PPP1R12A: variants seen among roughly 807,000 people sequenced by gnomAD.
The protein encoded by PPP1R12A is myosin binding subunit.
In PPP1R12A, 19 loss-of-function variants were observed where a neutral mutation model predicts 139.6. The ratio of observed to expected loss-of-function variants is 0.14; its 90% CI spans 0.09 to 0.20. The LOEUF (loss-of-function observed/expected upper bound fraction) is 0.20. Among genes scored for constraint, PPP1R12A ranks in the 10% least tolerant of loss-of-function variants. PPP1R12A has a pLI of 1.00. For missense variants in PPP1R12A, 925 were observed against 1,211.5 expected (o/e 0.76, Z 3.51); for synonymous variants, 427 against 420.6 (o/e 1.02, Z -0.19).
chr12:79,808,038 AAAAAATAAAAAT>A (rs1165825036), intron 11 of PPP1R12A, among the ~76,000 whole-genome samples: 1 of 151,776 alleles, frequency 6.6e-6, no homozygotes, highest in Non-Finnish European at 1.5e-5. Flanking sequence ...TCTGTCTCAA[AAAAAATAAAAAT>A]AAAAATAAAA....
intron 3 of PPP1R12A, among the ~76,000 whole-genome samples, chr12:79,835,583 A>C (rs1393608057): frequency 6.6e-6 from 1 of 152,094 alleles, no homozygotes; most frequent in Non-Finnish European, 1.5e-5. Context: ...ACCAGCCCTT[A>C]ACTCATTCCG....
intron 2 of PPP1R12A, among the ~76,000 whole-genome samples, chr12:79,863,172 TAAAG>T (rs1008287982): frequency 4.6e-5 from 7 of 152,108 alleles, no homozygotes; most frequent in Admixed American, 4.6e-4. Context: ...TCAACATTCT[TAAAG>T]AAAAGAATTT....
chr12:79,867,250 A>T (rs974979148), intron 2 of PPP1R12A, among the ~76,000 whole-genome samples: 1 of 152,148 alleles, frequency 6.6e-6, no homozygotes, highest in Non-Finnish European at 1.5e-5. Context: ...GTTCTCACTC[A>T]TAAGTGGGAA....
intron 19 of PPP1R12A, among the ~76,000 whole-genome samples, chr12:79,793,524 T>C (rs1565741571): frequency 6.6e-6 from 1 of 152,298 alleles, no homozygotes; most frequent in Non-Finnish European, 1.5e-5. Context: ...GTACTATTTC[T>C]TTTTTTGCTT....
intron 2 of PPP1R12A, among the ~76,000 whole-genome samples, chr12:79,868,479 A>G (rs1009807090): frequency 1.3e-5 from 2 of 151,452 alleles, no homozygotes; most frequent in African/African-American, 4.9e-5. Context: ...AACAATAGAA[A>G]TATTATTTTC....
chr12:79,855,185 T>C (rs1880499293), intron 2 of PPP1R12A, among the ~76,000 whole-genome samples: 1 of 151,990 alleles, frequency 6.6e-6, no homozygotes, highest in Non-Finnish European at 1.5e-5. Flanking sequence ...AGACGGGGTT[T>C]CACCGTGTTA....
At chr12:79,926,691 ATATT>A (rs1887866733) in intron 1 of PPP1R12A, among the ~76,000 whole-genome samples, 1 of 152,116 alleles carries the variant, frequency 6.6e-6, no homozygotes, top group African/African-American at 2.4e-5. Flanking sequence ...TAATCATTAA[ATATT>A]TATTGTGTAC....
chr12:79,793,755 T>A, intron 19 of PPP1R12A, 108 bp downstream of exon 19: 1 of 771,132 alleles, frequency 1.3e-6, no homozygotes, highest in South Asian at 1.7e-5. Flanking sequence ...AGCATGTAGG[T>A]AGAGTATGCA....
At chr12:79,779,496 T>A (rs1592599095) in intron 23 of PPP1R12A, 2 of 579,980 alleles carry the variant, frequency 3.4e-6, no homozygotes, top group East Asian at 1.4e-4. Flanking sequence ...TATGTGATTT[T>A]AAAAAGTAGA....
rs1592699510 is a variant in PPP1R12A, at chr12:79,842,253, G to A, written c.487+3049C>T. Among the ~76,000 whole-genome samples the A allele has an allele frequency of 3.9e-5, 6 of 152,250 alleles. No individual in the cohort carries two copies. In the South Asian group the frequency reaches 6.2e-4, roughly 16 times the overall value. On this transcript the variant is annotated intron_variant, in intron 3 of 24. Coordinates refer to ENST00000450142, the MANE Select transcript of PPP1R12A (RefSeq NM_002480.3). The stretch of plus-strand genomic sequence containing the variant: ...GAGGATCGCTAGGGTCTGGGAGGTT[G>A]AGGCTATAGTGAGCCATGATTGTGT...
intron 14 of PPP1R12A, among the ~76,000 whole-genome samples, chr12:79,804,029 A>AGTTAAAGAAAGATAG (rs1469931515): frequency 1.3e-5 from 2 of 152,128 alleles, no homozygotes; most frequent in Admixed American, 1.3e-4. Flanking sequence ...AGAGATAGAA[A>AGTTAAAGAAAGATAG]AGATTCTAGA....
chr12:79,899,845 G>A (rs552541225), intron 1 of PPP1R12A, among the ~76,000 whole-genome samples: 1 of 152,202 alleles, frequency 6.6e-6, no homozygotes, highest in African/African-American at 2.4e-5. Context: ...AGTTCCAATT[G>A]TGCCACATCA....
At chr12:79,810,038 G>T (rs773836366) in intron 9 of PPP1R12A, 28 bp from the exon 10 acceptor site, 4 of 1,530,134 alleles carry the variant, frequency 2.6e-6, no homozygotes, top group Non-Finnish European at 3.6e-6. Context: ...TTTAGGAAAA[G>T]AAAAAAGAAT....
At chr12:79,911,436 GCCTA>G (rs1886552654) in intron 1 of PPP1R12A, among the ~76,000 whole-genome samples, 1 of 152,130 alleles carries the variant, frequency 6.6e-6, no homozygotes, top group African/African-American at 2.4e-5. Context: ...AGACACTGGG[GCCTA>G]CCTGAGGGTG....
At chr12:79,928,042 C>T (rs931969280) in intron 1 of PPP1R12A, among the ~76,000 whole-genome samples, 6 of 152,030 alleles carry the variant, frequency 3.9e-5, no homozygotes, top group African/African-American at 1.4e-4. Flanking sequence ...TATGCCTCCC[C>T]CTATTAAAAG....
chr12:79,877,018 A>AT (rs1455502174), intron 1 of PPP1R12A, among the ~76,000 whole-genome samples: 2 of 151,876 alleles, frequency 1.3e-5, no homozygotes, highest in African/African-American at 4.9e-5. Context: ...CTCAGAAAAA[A>AT]AAAGGGTAAA....
At chr12:79,921,122 G>A (rs974571683) in intron 1 of PPP1R12A, among the ~76,000 whole-genome samples, 1 of 152,126 alleles carries the variant, frequency 6.6e-6, no homozygotes, top group African/African-American at 2.4e-5. Flanking sequence ...TGGCACAGAA[G>A]AGACCTTTAA....
Position 79,822,162 on chromosome 12 carries a change from T to C in PPP1R12A, c.821A>G (p.Glu274Gly). The C allele has an allele frequency of 6.3e-7, 1 of 1,591,364 alleles. No homozygotes were observed. The highest frequency in any genetic ancestry group is 8.6e-7 in the Non-Finnish European group (1 of 1,166,750). The change falls in exon 6 of 25, where the codon GAA becomes GGA. Residue 274 changes from glutamate (E) to glycine (G), a missense_variant. Around this residue, in one of 4 missense-constraint regions of PPP1R12A, gnomAD observed 403 missense variants for 463.7 expected, o/e 0.87. Coordinates refer to ENST00000450142, the MANE Select transcript of PPP1R12A (RefSeq NM_002480.3). Reference protein sequence around the residue: ...VGQTAFDVADEDILGYLEELQ... With the variant: ...VGQTAFDVADGDILGYLEELQ... ...CTCTTCTAAATATCCTAAAATGTCTTCATCTGCTACATCAAAGGCTGTTTG... is the reference window on the plus strand; with the variant it reads ...CTCTTCTAAATATCCTAAAATGTCTCCATCTGCTACATCAAAGGCTGTTTG...
intron 1 of PPP1R12A, among the ~76,000 whole-genome samples, chr12:79,892,349 G>T (rs1884732814): frequency 6.6e-6 from 1 of 152,028 alleles, no homozygotes; most frequent in Admixed American, 6.6e-5. Context: ...AATAATAATT[G>T]TCTGATAATG....
Sources: gnomAD v4.1 joint callset for allele counts (sites outside exome capture counted in the v4.1 genomes callset) on GRCh38, gnomAD v4.1.1 for gene constraint, gnomAD v4.1.1 regional missense constraint, MANE v1.5 for transcripts, NCBI Gene and HGNC (gene_info 2026-07-23, HGNC 2026-07-21) for gene names.